MCOLN2: variants seen among roughly 807,000 people sequenced by gnomAD.
The protein encoded by MCOLN2 is mucolipin TRP cation channel 2, also known as mucolipin-2.
MCOLN2 carries 57 observed loss-of-function variants against 67.5 expected under a neutral mutation model. The ratio of observed to expected loss-of-function variants is 0.84; its 90% confidence interval spans 0.68 to 1.05. MCOLN2 has a LOEUF of 1.05. Ranked by LOEUF, MCOLN2 falls within the 50% of genes least tolerant of loss-of-function variation. MCOLN2 has a pLI of 0.00. For missense variants in MCOLN2, 620 were observed against 678.8 expected (o/e 0.91, Z 0.96); for synonymous variants, 246 against 233.3 (o/e 1.05, Z -0.50).
chr1:84,987,086 A>T (rs1211731085), intron 1 of MCOLN2, among the ~76,000 whole-genome samples: 1 of 152,076 alleles, frequency 6.6e-6, no homozygotes, highest in African/African-American at 2.4e-5. Flanking sequence ...GCATGTTTAT[A>T]GCAGCACAAT....
intron 8 of MCOLN2, among the ~76,000 whole-genome samples, chr1:84,940,065 C>T (rs1298019069): frequency 6.6e-6 from 1 of 152,110 alleles, no homozygotes; most frequent in African/African-American, 2.4e-5. Flanking sequence ...AACTGAGGCA[C>T]CGAGAGGCTA....
At chr1:84,990,297 C>CAAAAAAAAAAAAAAAA (rs34226507) in intron 1 of MCOLN2, among the ~76,000 whole-genome samples, 1 of 34,958 alleles carries the variant, frequency 2.9e-5, no homozygotes, top group Non-Finnish European at 4.9e-5. Context: ...GACTCCATCT[C>CAAAAAAAAAAAAAAAA]AAAAAAAAAA....
Position 84,937,845 on chromosome 1 carries a change from T to C in MCOLN2, c.1245A>G (p.Pro415=), listed in dbSNP as rs1441397058. 2 of 1,614,100 alleles carry C rather than the reference T, an allele frequency of 1.2e-6. No individual in the cohort carries two copies. Among genetic ancestry groups the C allele is most frequent in the African/African-American group, 1.3e-5 (1 of 74,932 alleles). The change falls in exon 11 of 14, where the codon CCA becomes CCG. Residue 415 remains proline, a synonymous_variant. Coordinates refer to ENST00000370608, the MANE Select transcript of MCOLN2 (RefSeq NM_153259.4). ...CACAAGCACAAAACCGAAGAACTTTTGGCAGTGAGGCCTGCATTGTTAAAA... is the reference window on the plus strand; with the variant it reads ...CACAAGCACAAAACCGAAGAACTTTCGGCAGTGAGGCCTGCATTGTTAAAA... ...VLILTMQASL[P]KVLRFCACAG... is the part of the protein sequence containing the mutation.
In MCOLN2 at chr1:84,938,014, G is replaced by T. The variant is rs115925130; in HGVS notation, c.1179C>A (p.Val393=). 327 of 1,614,074 alleles carry T rather than the reference G, an allele frequency of 2.0e-4. No homozygotes were observed. In the African/African-American group the frequency reaches 3.9e-3, roughly 19 times the overall value. The change falls in exon 10 of 14, where the codon GTC becomes GTA. Residue 393 remains valine, a synonymous_variant. Coordinates refer to ENST00000370608, the MANE Select transcript of MCOLN2 (RefSeq NM_153259.4). ...GTSTLLVWVG[V]IRYLGYFQAY... ...CCTGGAAATAACCCAGGTATCTGAT[G>T]ACTCCAACCCAAACCAAGAGCGTAG...
chr1:84,951,318 A>C (rs1648427559), intron 6 of MCOLN2, among the ~76,000 whole-genome samples: 1 of 152,254 alleles, frequency 6.6e-6, no homozygotes, highest in Non-Finnish European at 1.5e-5. Flanking sequence ...GACAGTATAT[A>C]CAACTTTCAG....
intron 7 of MCOLN2, among the ~76,000 whole-genome samples, chr1:84,943,479 A>C (rs182224230): frequency 3.9e-5 from 6 of 152,232 alleles, no homozygotes; most frequent in African/African-American, 1.4e-4. Context: ...GAAAGGCCAG[A>C]GGAGAAGCAA....
At chr1:84,987,713 A>G (rs1650690284) in intron 1 of MCOLN2, among the ~76,000 whole-genome samples, 1 of 117,000 alleles carries the variant, frequency 8.5e-6, no homozygotes. Flanking sequence ...GATTATATAT[A>G]CACCATTGAA....
intron 7 of MCOLN2, among the ~76,000 whole-genome samples, chr1:84,946,217 C>T (rs1648095047): frequency 6.6e-6 from 1 of 152,194 alleles, no homozygotes; most frequent in South Asian, 2.1e-4. Flanking sequence ...TCTTTTCCTA[C>T]TCTGCCCCAC....
At chr1:84,992,111 A>C (rs979288558) in intron 1 of MCOLN2, among the ~76,000 whole-genome samples, 1 of 152,226 alleles carries the variant, frequency 6.6e-6, no homozygotes, top group African/African-American at 2.4e-5. Flanking sequence ...CCTACATTCT[A>C]GCTATCTCTA....
chr1:84,973,548 T>C (rs569262963), intron 1 of MCOLN2, among the ~76,000 whole-genome samples: 73 of 152,182 alleles, frequency 4.8e-4, no homozygotes, highest in African/African-American at 1.6e-3. Flanking sequence ...CCTGGGGAAA[T>C]TGTCAAGTTT....
At chr1:84,958,982 T>C (rs1447872153) in intron 2 of MCOLN2, among the ~76,000 whole-genome samples, 10 of 152,144 alleles carry the variant, frequency 6.6e-5, no homozygotes, top group Admixed American at 2.0e-4. Context: ...AGAATCCAAA[T>C]CAGCTAAGTC....
intron 1 of MCOLN2, among the ~76,000 whole-genome samples, chr1:84,972,847 G>A (rs891217261): frequency 6.6e-6 from 1 of 152,122 alleles, no homozygotes; most frequent in African/African-American, 2.4e-5. Flanking sequence ...ACAGAAAAAG[G>A]CTCTTGACCT....
At chr1:84,940,438 A>G (rs762882124) in intron 8 of MCOLN2, among the ~76,000 whole-genome samples, 1 of 152,196 alleles carries the variant, frequency 6.6e-6, no homozygotes, top group Non-Finnish European at 1.5e-5. Flanking sequence ...TTTTAAAACT[A>G]TTTTAAAAAC....
intron 7 of MCOLN2, among the ~76,000 whole-genome samples, chr1:84,943,926 C>T (rs1199540767): frequency 6.6e-6 from 1 of 152,192 alleles, no homozygotes; most frequent in Non-Finnish European, 1.5e-5. Context: ...AAGAAAACAA[C>T]TTAGCTCTAT....
chr1:84,992,354 A>G (rs1036617997), intron 1 of MCOLN2, among the ~76,000 whole-genome samples: 5 of 152,236 alleles, frequency 3.3e-5, no homozygotes, highest in African/African-American at 1.2e-4. Flanking sequence ...CTGAGGGAAA[A>G]GGAATATGGA....
rs751401267 is a variant in MCOLN2 at position 84,939,623 on chromosome 1, T to A, written c.1040A>T (p.Tyr347Phe). The A allele has an allele frequency of 3.7e-6, 6 of 1,613,934 alleles. No individual in the cohort carries two copies. In the South Asian group the frequency reaches 6.6e-5, roughly 18 times the overall value. ...TAGGTCGCTGATAATCACCAGGACA[T>A]ACCAGCCGTTGATGAACTCCCACTG... is the stretch of plus-strand genomic sequence containing the variant. ...TDQWEFINGWYVLVIISDLMT... is the reference protein window; with the variant it reads ...TDQWEFINGWFVLVIISDLMT... The change falls in exon 9 of 14, where the codon TAT becomes TTT. Residue 347 changes from tyrosine (Y) to phenylalanine (F), a missense_variant. Transcript: ENST00000370608.
intron 11 of MCOLN2, among the ~76,000 whole-genome samples, chr1:84,935,536 C>T (rs1393040143): frequency 3.3e-5 from 5 of 152,136 alleles, no homozygotes; most frequent in Non-Finnish European, 4.4e-5. Flanking sequence ...ATAAAATATC[C>T]ACCAGATCAA....
chr1:84,931,734 A>C (rs1557628311), intron 11 of MCOLN2, among the ~76,000 whole-genome samples, 166 bp from the exon 12 acceptor site: 1 of 151,680 alleles, frequency 6.6e-6, no homozygotes, highest in Non-Finnish European at 1.5e-5. Flanking sequence ...TTATTCAAAA[A>C]CCCCCTCTGG....
At chr1:84,957,729 G>GT in intron 3 of MCOLN2, among the ~76,000 whole-genome samples, 1 of 152,244 alleles carries the variant, frequency 6.6e-6, no homozygotes, top group South Asian at 2.1e-4. Context: ...TGTTTTTTGT[G>GT]TGGTATTCTC....
Sources: gnomAD v4.1 joint callset for allele counts (sites outside exome capture counted in the v4.1 genomes callset) on GRCh38, gnomAD v4.1.1 for gene constraint, MANE v1.5 for transcripts, NCBI Gene and HGNC (gene_info 2026-07-23, HGNC 2026-07-21) for gene names.